Variants in LOXL2 observed in about 807,000 individuals in gnomAD.
LOXL2 encodes lysyl oxidase homolog 2.
A neutral mutation model predicts 93.0 loss-of-function variants in LOXL2; 70 were observed. The ratio of observed to expected loss-of-function variants is 0.75; its 90% confidence interval spans 0.62 to 0.92. The LOEUF is 0.92. Among genes scored for constraint, LOXL2 ranks in the 40% least tolerant of loss-of-function variants. The probability of loss-of-function intolerance (pLI) is 0.00; values close to 1 mark genes in which losing one functional copy is unlikely to be tolerated. For missense variants in LOXL2, 973 were observed against 1,054.9 expected, an observed-to-expected ratio of 0.92 and a Z score of 1.08; for synonymous variants, 438 against 413.2, an observed-to-expected ratio of 1.06 and a Z score of -0.73.
intron 6 of LOXL2, among the ~76,000 whole-genome samples, chr8:23,323,763 G>A (rs567674982): frequency 1.3e-5 from 2 of 152,048 alleles, no homozygotes; most frequent in African/African-American, 4.8e-5. Flanking sequence ...GTGCAGTGAC[G>A]CCATCTCGGC....
Position 23,401,437 on chromosome 8 carries a change from G to A in LOXL2, c.-84+2517C>T, listed in dbSNP as rs115567123. Among the ~76,000 whole-genome samples the A allele has an allele frequency of 8.0e-3, 1,218 of 152,206 alleles. 9 individuals are homozygous for A. The highest frequency in any genetic ancestry group is 0.027 in the African/African-American group (1,139 of 41,522). The stretch of plus-strand genomic sequence containing the variant: ...GGTCTAAATATGGCATCATAGTTAT[G>A]TAAAATCTTTAGAAATCACACTGAA... On this transcript the variant is annotated intron_variant, in intron 1 of 13. Coordinates refer to ENST00000389131, the MANE Select transcript of LOXL2 (RefSeq NM_002318.3).
At chr8:23,346,203 A>T (rs1803981604) in intron 3 of LOXL2, among the ~76,000 whole-genome samples, 4 of 77,432 alleles carry the variant, frequency 5.2e-5, no homozygotes, top group African/African-American at 1.5e-4. Context: ...AATAAAATAA[A>T]ATAAATAAAA....
chr8:23,327,469 C>T (rs972401029), intron 6 of LOXL2, among the ~76,000 whole-genome samples: 1 of 152,176 alleles, frequency 6.6e-6, no homozygotes, highest in Admixed American at 6.5e-5. Context: ...GGACAGGCCA[C>T]CCCACCGCTT....
chr8:23,402,093 C>T (rs1481413783), intron 1 of LOXL2, among the ~76,000 whole-genome samples: 1 of 151,848 alleles, frequency 6.6e-6, no homozygotes, highest in East Asian at 1.9e-4. Context: ...CACATGCAAA[C>T]ATGCACACAA....
intron 3 of LOXL2, among the ~76,000 whole-genome samples, chr8:23,351,978 T>C (rs1051081908): frequency 6.6e-6 from 1 of 152,160 alleles, no homozygotes; most frequent in Non-Finnish European, 1.5e-5. Context: ...GCCCAACTAA[T>C]TTTTTGTATT....
In LOXL2 at chr8:23,383,027, G is replaced by A. The variant is rs539114480; in HGVS notation, c.-83-14593C>T. On this transcript the variant is annotated intron_variant, in intron 1 of 13. Coordinates refer to ENST00000389131, the MANE Select transcript of LOXL2 (RefSeq NM_002318.3). ...CACACCCAGCTGATCTGACCTGGTG[G>A]TCCTCTGGTACCTAACATGCCTCTC... Among the ~76,000 whole-genome samples the A allele has an allele frequency of 2.6e-4, 39 of 152,222 alleles. 1 individual carries two copies. Among genetic ancestry groups the A allele is most frequent in the Non-Finnish European group, 4.6e-4 (31 of 68,012 alleles).
intron 1 of LOXL2, among the ~76,000 whole-genome samples, chr8:23,387,714 C>T (rs1055425111): frequency 6.6e-6 from 1 of 152,144 alleles, no homozygotes; most frequent in Non-Finnish European, 1.5e-5. Context: ...CTTTGGGAGG[C>T]TGAGGCAGGT....
At chr8:23,315,092 G>A (rs1289126421) in intron 9 of LOXL2, among the ~76,000 whole-genome samples, 2 of 152,200 alleles carry the variant, frequency 1.3e-5, no homozygotes, top group Non-Finnish European at 2.9e-5. Context: ...AGGAGGGGAA[G>A]CCACCGCAGG....
At chr8:23,354,439 G>T (rs1167275255) in intron 3 of LOXL2, among the ~76,000 whole-genome samples, 1 of 152,166 alleles carries the variant, frequency 6.6e-6, no homozygotes, top group Non-Finnish European at 1.5e-5. Flanking sequence ...CCAAACTGGG[G>T]AAAGTCGAGG....
intron 5 of LOXL2, among the ~76,000 whole-genome samples, chr8:23,330,738 G>A (rs1803661535): frequency 6.6e-6 from 1 of 151,674 alleles, no homozygotes; most frequent in East Asian, 1.9e-4. Context: ...AAGCTCAGAG[G>A]CTCAGGCTGA....
At chr8:23,402,159 T>C (rs150824127) in intron 1 of LOXL2, among the ~76,000 whole-genome samples, 248 of 152,010 alleles carry the variant, frequency 1.6e-3, no homozygotes, top group African/African-American at 5.9e-3. Context: ...GGAATACATA[T>C]GCACACACAT....
chr8:23,307,356 G>A (rs1332178735), intron 10 of LOXL2, among the ~76,000 whole-genome samples: 1 of 152,068 alleles, frequency 6.6e-6, no homozygotes, highest in African/African-American at 2.4e-5. Context: ...AGACCAGAAG[G>A]TACATGTGCT....
intron 1 of LOXL2, among the ~76,000 whole-genome samples, chr8:23,392,454 C>G (rs1804859565): frequency 6.6e-6 from 1 of 152,190 alleles, no homozygotes; most frequent in Non-Finnish European, 1.5e-5. Flanking sequence ...CAGGTCCTCG[C>G]TTTTACTGAG....
At chr8:23,302,560 G>A (rs554234795) in intron 11 of LOXL2, among the ~76,000 whole-genome samples, 3 of 152,318 alleles carry the variant, frequency 2.0e-5, no homozygotes, top group African/African-American at 7.2e-5. Flanking sequence ...GTAGGCCCAT[G>A]TCTCTCTGAC....
chr8:23,317,818 G>C (rs894728094), intron 8 of LOXL2, among the ~76,000 whole-genome samples: 4 of 152,156 alleles, frequency 2.6e-5, no homozygotes, highest in Admixed American at 2.0e-4. Context: ...GGGATCGTCA[G>C]GTACAGAAAC....
intron 1 of LOXL2, among the ~76,000 whole-genome samples, chr8:23,402,191 G>A (rs184700276): frequency 1.8e-4 from 28 of 151,966 alleles, no homozygotes; most frequent in Admixed American, 1.8e-3. Context: ...ACACGTGCCC[G>A]CGCACACACA....
intron 3 of LOXL2, among the ~76,000 whole-genome samples, chr8:23,347,240 C>T (rs1804006886): frequency 6.6e-6 from 1 of 151,676 alleles, no homozygotes; most frequent in African/African-American, 2.4e-5. Flanking sequence ...GCCTGTAATC[C>T]CAGCGACTCA....
intron 1 of LOXL2, among the ~76,000 whole-genome samples, chr8:23,399,044 T>TAA (rs1563212491): frequency 6.6e-6 from 1 of 152,206 alleles, no homozygotes; most frequent in Non-Finnish European, 1.5e-5. Flanking sequence ...ACTGAAGACT[T>TAA]AAGAGACTCA....
At chr8:23,322,050 C>A in intron 7 of LOXL2, 80 bp downstream of exon 7, 1 of 1,498,392 alleles carries the variant, frequency 6.7e-7, no homozygotes, top group East Asian at 2.3e-5. Flanking sequence ...CTGGTCACTT[C>A]CAGGGTTCAC....
Sources: gnomAD v4.1 joint callset for allele counts (sites outside exome capture counted in the v4.1 genomes callset) on GRCh38, gnomAD v4.1.1 for gene constraint, MANE v1.5 for transcripts, NCBI Gene and HGNC (gene_info 2026-07-23, HGNC 2026-07-21) for gene names.